Variants in NRP2 observed in about 807,000 individuals in gnomAD.
NRP2 encodes neuropilin 2.
A neutral mutation model predicts 110.4 loss-of-function variants in NRP2; 52 were observed. That is an observed-to-expected ratio of 0.47 (90% CI 0.38 to 0.59). The LOEUF (loss-of-function observed/expected upper bound fraction) is 0.59, where lower values mean the gene tolerates loss of function less well. Ranked by LOEUF, NRP2 falls within the 20% of genes least tolerant of loss-of-function variation. NRP2 has a pLI of 0.00. For synonymous variants in NRP2, 508 were observed against 468.9 expected (o/e 1.08, Z -1.08); for missense variants, 1,049 against 1,203.0 (o/e 0.87, Z 1.89).
intron 10 of NRP2, 148 bp from the exon 11 acceptor site, chr2:205,749,577 C>T (rs1474773974): frequency 1.0e-5 from 7 of 674,172 alleles, no homozygotes; most frequent in South Asian, 4.9e-5. Flanking sequence ...CCCCTGACTT[C>T]GTTGACAGCA....
At chr2:205,757,435 G>T (rs533816532) in intron 12 of NRP2, among the ~76,000 whole-genome samples, 1 of 152,052 alleles carries the variant, frequency 6.6e-6, no homozygotes, top group Non-Finnish European at 1.5e-5. Flanking sequence ...CGGTGGAGGC[G>T]CACACAAGAA....
chr2:205,693,798 C>G (rs2056364016), intron 1 of NRP2, among the ~76,000 whole-genome samples: 1 of 152,196 alleles, frequency 6.6e-6, no homozygotes, highest in African/African-American at 2.4e-5. Context: ...TCGCCAAGGA[C>G]TTTTTCCTTC....
chr2:205,698,932 T>A (rs771249380), intron 2 of NRP2, among the ~76,000 whole-genome samples: 4 of 152,230 alleles, frequency 2.6e-5, no homozygotes, highest in Non-Finnish European at 5.9e-5. Context: ...CACTTCCTCA[T>A]GGAGGAAACA....
chr2:205,794,597 G>A lies in NRP2; in HGVS notation c.2477-157G>A, dbSNP rs564552799. ...AGCTTGCCCAAAGTTACACAGCTAG[G>A]ATGCGGCCAGGCTGGGCTTTGAACC... On this transcript the variant is annotated intron_variant, in intron 16 of 16. Transcript: ENST00000357785. 9.3e-5 allele frequency: 71 copies of A among 759,380 alleles called. No individual in the cohort carries two copies. The South Asian group carries it at 1.0e-3, about 11-fold the overall frequency. 47.0% of individuals were successfully genotyped at this position (759,380 alleles called of 1,614,324 possible).
At chr2:205,722,307 G>A in intron 3 of NRP2, 171 bp from the exon 4 acceptor site, 1 of 660,544 alleles carries the variant, frequency 1.5e-6, no homozygotes. Flanking sequence ...CCTAATTTAT[G>A]AGGGCTTGAA....
intron 9 of NRP2, among the ~76,000 whole-genome samples, chr2:205,745,002 T>A (rs1269629204): frequency 6.6e-6 from 1 of 152,214 alleles, no homozygotes; most frequent in Non-Finnish European, 1.5e-5. Context: ...GGAGCGGTCC[T>A]GCTGAATTTC....
intron 15 of NRP2, chr2:205,776,323 G>A (rs762610229): frequency 2.5e-6 from 4 of 1,613,054 alleles, no homozygotes; most frequent in East Asian, 4.5e-5. Flanking sequence ...CTGGTATTAC[G>A]TAATGGCCGC....
At chr2:205,752,638 A>C (rs1480964074) in intron 11 of NRP2, 197 bp from the exon 12 acceptor site, 1 of 605,140 alleles carries the variant, frequency 1.7e-6, no homozygotes, top group East Asian at 2.9e-5. Flanking sequence ...CTTGGCTTTC[A>C]TGCCTGGGAA....
At chr2:205,781,143 C>T (rs1023153684) in intron 15 of NRP2, among the ~76,000 whole-genome samples, 2 of 152,216 alleles carry the variant, frequency 1.3e-5, no homozygotes, top group African/African-American at 4.8e-5. Flanking sequence ...GTTGGCATTA[C>T]TGTTTTTGGA....
At chr2:205,695,924 G>A (rs913894060) in intron 1 of NRP2, among the ~76,000 whole-genome samples, 18 of 152,178 alleles carry the variant, frequency 1.2e-4, no homozygotes, top group Admixed American at 3.9e-4. Context: ...TGGTCTGGGT[G>A]GGAGGGATGA....
In NRP2 at chr2:205,763,625, C is replaced by G. The variant is rs1416261953; in HGVS notation, c.2045-49C>G. On this transcript the variant is annotated intron_variant, in intron 12 of 16. Coordinates refer to ENST00000357785, the MANE Select transcript of NRP2 (RefSeq NM_003872.3). The surrounding 1 kb of genome is among the most constrained non-coding windows in gnomAD (Gnocchi z 4.0). Reference sequence around the variant, plus strand: ...AGAGGCCACAGCAGCACACTGGTGTCTTTCCCGAGTGTTTATGGAGAACCT... The same window carrying G: ...AGAGGCCACAGCAGCACACTGGTGTGTTTCCCGAGTGTTTATGGAGAACCT... The G allele has an allele frequency of 3.7e-6, 6 of 1,612,390 alleles. No homozygotes were observed. Among genetic ancestry groups the G allele is most frequent in the Non-Finnish European group, 5.1e-6 (6 of 1,179,302 alleles).
chr2:205,796,426 GCACA>G lies in NRP2; in HGVS notation c.*1375_*1378del, dbSNP rs980930798. ...TGCACACACGCATACACACATGCAC[GCACA>G]CACACATACACACATGCACGCACGC... On this transcript the variant is annotated 3_prime_UTR_variant, in exon 17 of 17. Coordinates refer to ENST00000357785, the MANE Select transcript of NRP2 (RefSeq NM_003872.3). The G allele has an allele frequency of 1.5e-4, 23 of 152,202 alleles. No individual in the cohort carries two copies. Among genetic ancestry groups the G allele is most frequent in the African/African-American group, 5.3e-4 (22 of 41,290 alleles). The allele number at this position is 152,202 out of a possible 1,614,324, so 9.4% of individuals were successfully genotyped here.
At chr2:205,724,007 G>T in intron 5 of NRP2, 67 bp downstream of exon 5, 2 of 1,573,566 alleles carry the variant, frequency 1.3e-6, no homozygotes, top group Non-Finnish European at 8.7e-7. Flanking sequence ...TACAGGTGAA[G>T]GGGGGCTGAG....
At chr2:205,710,737 T>C (rs568627568) in intron 2 of NRP2, among the ~76,000 whole-genome samples, 6 of 152,314 alleles carry the variant, frequency 3.9e-5, no homozygotes, top group African/African-American at 1.2e-4. Flanking sequence ...ACAGTGCTGT[T>C]TTTTTTCCTC....
intron 10 of NRP2, among the ~76,000 whole-genome samples, chr2:205,747,333 A>T (rs2057556355): frequency 6.6e-6 from 1 of 152,176 alleles, no homozygotes; most frequent in Non-Finnish European, 1.5e-5. Context: ...CAGAAAAGTT[A>T]GTCTCTCAGC....
chr2:205,782,838 T>C (rs2058191700), intron 15 of NRP2, among the ~76,000 whole-genome samples: 1 of 151,914 alleles, frequency 6.6e-6, no homozygotes, highest in African/African-American at 2.4e-5. Context: ...TGTTGATGAG[T>C]GTTCAGACTG....
intron 3 of NRP2, 96 bp downstream of exon 3, chr2:205,716,470 G>C: frequency 7.8e-7 from 1 of 1,274,940 alleles, no homozygotes; most frequent in South Asian, 1.2e-5. Context: ...AAGGGTGACA[G>C]TGTCATCCAG....
Position 205,752,892 on chromosome 2 carries a change from C to A in NRP2, c.1961C>A (p.Pro654His), listed in dbSNP as rs1200090381. Residue 654 changes from proline (P) to histidine (H), a missense_variant, in exon 12 of 17, where the codon CCC becomes CAC. Pro to His is a moderately conservative substitution (Grantham distance 77, BLOSUM62 -2). Coordinates refer to ENST00000357785, the MANE Select transcript of NRP2 (RefSeq NM_003872.3). ...FNCNFDFLEE[P>H]CGWMYDHAKW... is the part of the protein sequence containing the mutation. The stretch of plus-strand genomic sequence containing the variant: ...TGCAACTTCGATTTCCTCGAGGAGC[C>A]CTGTGGTTGGATGTATGACCATGCC... 6.2e-7 allele frequency: 1 copy of A among 1,614,202 alleles called. No individual in the cohort carries two copies. Among genetic ancestry groups the A allele is most frequent in the Admixed American group, 1.7e-5 (1 of 60,026 alleles).
At chr2:205,753,345 G>A (rs1016588857) in intron 12 of NRP2, among the ~76,000 whole-genome samples, 9 of 152,150 alleles carry the variant, frequency 5.9e-5, no homozygotes, top group Non-Finnish European at 1.0e-4. Context: ...TGTCAACTTC[G>A]AGCTGGGTAC....
Sources: gnomAD v4.1 joint callset for allele counts (sites outside exome capture counted in the v4.1 genomes callset) on GRCh38, gnomAD v4.1.1 for gene constraint, Gnocchi (gnomAD v3.1) non-coding constraint, MANE v1.5 for transcripts, NCBI Gene and HGNC (gene_info 2026-07-23, HGNC 2026-07-21) for gene names.